Variants in METTL15 observed in about 807,000 individuals in gnomAD.
METTL15 encodes the protein methyltransferase 15, mitochondrial 12S rRNA N4-cytidine.
A neutral mutation model predicts 38.3 loss-of-function variants in METTL15; 34 were observed. The ratio of observed to expected loss-of-function variants is 0.89; its 90% CI spans 0.68 to 1.18. The LOEUF is 1.18. Among genes scored for constraint, METTL15 ranks in the 50% most tolerant of loss-of-function variants. The pLI is 0.00. For synonymous variants in METTL15, 162 were observed against 170.9 expected (o/e 0.95, Z 0.41); for missense variants, 438 against 498.4 (o/e 0.88, Z 1.15).
At chr11:28,461,286 C>T (rs1851211837) in intron 6 of METTL15, among the ~76,000 whole-genome samples, 1 of 152,058 alleles carries the variant, frequency 6.6e-6, no homozygotes, top group Non-Finnish European at 1.5e-5. Flanking sequence ...TTGTATCAGT[C>T]TTCTTAGGAA....
intron 4 of METTL15, among the ~76,000 whole-genome samples, chr11:28,232,711 T>C (rs991580200): frequency 6.6e-6 from 1 of 151,982 alleles, no homozygotes; most frequent in Non-Finnish European, 1.5e-5. Context: ...TGATACTGGT[T>C]AATTGCTAGA....
At chr11:28,512,433 G>A (rs1851683159) in intron 6 of METTL15, among the ~76,000 whole-genome samples, 1 of 152,202 alleles carries the variant, frequency 6.6e-6, no homozygotes, top group Non-Finnish European at 1.5e-5. Context: ...CAAGGAGATG[G>A]GGAGGCTCAG....
At position 28,134,357 on chromosome 11, in the gene METTL15, A is replaced by G. The variant is rs752303953; in HGVS notation, c.270+20753A>G. Among the ~76,000 whole-genome samples the G allele has an allele frequency of 7.9e-5, 12 of 152,198 alleles. 1 individual carries two copies. Among genetic ancestry groups the G allele is most frequent in the Admixed American group, 3.3e-4 (5 of 15,274 alleles). ...GGGTTCCCTATTTGTATAAAGCGCA[A>G]ATTCCTGGTAGCTCCACCCCATTCC... On this transcript the variant is annotated intron_variant, in intron 3 of 6. Coordinates refer to ENST00000407364, the MANE Select transcript of METTL15 (RefSeq NM_001113528.2).
intron 6 of METTL15, among the ~76,000 whole-genome samples, chr11:28,321,037 C>T (rs926886238): frequency 6.6e-6 from 1 of 152,090 alleles, no homozygotes; most frequent in African/African-American, 2.4e-5. Context: ...TTCAATAGCC[C>T]TTTATCTTAC....
At chr11:28,268,728 A>G (rs1182355598) in intron 4 of METTL15, among the ~76,000 whole-genome samples, 3 of 152,218 alleles carry the variant, frequency 2.0e-5, no homozygotes, top group Non-Finnish European at 4.4e-5. Flanking sequence ...ATGAAATAAC[A>G]TAAACCATTT....
At position 28,430,890 on chromosome 11, in the gene METTL15, C is replaced by T. The variant is rs1253537424; in HGVS notation, c.*424+6526C>T. Among the ~76,000 whole-genome samples the T allele has an allele frequency of 2.1e-3, 216 of 104,224 alleles. 3 individuals are homozygous for T. Among genetic ancestry groups the T allele is most frequent in the African/African-American group, 6.8e-3 (184 of 27,146 alleles). The allele number at this position is 104,224 out of a possible 152,430, so 68.4% of individuals were successfully genotyped here. On this transcript the variant is annotated intron_variant and NMD_transcript_variant, in intron 6 of 7. Coordinates refer to the METTL15 transcript ENST00000532947. The stretch of plus-strand genomic sequence containing the variant: ...CCCCCGCCCGGCCAGCCGCCCCGTC[C>T]GGGAGGGAGGTGGGGGGGTCAGCCC...
intron 3 of METTL15, among the ~76,000 whole-genome samples, chr11:28,119,991 GC>G (rs1287740902): frequency 2.6e-5 from 4 of 152,004 alleles, no homozygotes; most frequent in African/African-American, 7.2e-5. Context: ...TCACTCTGTC[GC>G]CCAGGCTGGA....
At chr11:28,404,694 T>G (rs61890889) in intron 5 of METTL15, among the ~76,000 whole-genome samples, 5,400 of 152,188 alleles carry the variant, frequency 0.035, 159 homozygotes, top group Non-Finnish European at 0.051. Context: ...AGGTTAAACA[T>G]CTATATTGTG....
intron 3 of METTL15, among the ~76,000 whole-genome samples, chr11:28,150,208 A>G (rs1017648221): frequency 2.6e-5 from 4 of 151,976 alleles, no homozygotes; most frequent in Non-Finnish European, 1.5e-5. Context: ...GATTTCCAAG[A>G]TAACTTTCAA....
At chr11:28,218,927 T>C (rs986904994) in intron 4 of METTL15, among the ~76,000 whole-genome samples, 3 of 152,192 alleles carry the variant, frequency 2.0e-5, no homozygotes, top group African/African-American at 7.2e-5. Context: ...TCATGGTGGA[T>C]AAGCTCTTTG....
At chr11:28,200,762 A>G (rs1190002610) in intron 3 of METTL15, among the ~76,000 whole-genome samples, 3 of 152,108 alleles carry the variant, frequency 2.0e-5, no homozygotes, top group Non-Finnish European at 4.4e-5. Flanking sequence ...TTGATTTTGT[A>G]TCCTGATACT....
At position 28,272,143 on chromosome 11, in the gene METTL15, T is replaced by C. The variant is rs1200235392; in HGVS notation, c.408-18063T>C. Among the ~76,000 whole-genome samples, 3 of 152,296 alleles carry C rather than the reference T, an allele frequency of 2.0e-5. No homozygotes were observed. In the East Asian group the frequency reaches 5.8e-4, roughly 29 times the overall value. On this transcript the variant is annotated intron_variant, in intron 4 of 6. Transcript: ENST00000407364. ...TGGGAATGTAAATTAGTTGAACCAT[T>C]GTGGAAGACAATGTGGCGATTCCTC...
intron 3 of METTL15, among the ~76,000 whole-genome samples, chr11:28,209,075 A>G (rs1852505682): frequency 6.6e-6 from 1 of 151,960 alleles, no homozygotes; most frequent in African/African-American, 2.4e-5. Context: ...CAGTACATCT[A>G]CAAGGGCATA....
chr11:28,467,350 A>G (rs898795924), intron 6 of METTL15, among the ~76,000 whole-genome samples: 3 of 152,226 alleles, frequency 2.0e-5, no homozygotes, highest in African/African-American at 7.2e-5. Flanking sequence ...ATCAAGCTGC[A>G]TAACACCTCC....
At chr11:28,183,393 T>C (rs529067750) in intron 3 of METTL15, among the ~76,000 whole-genome samples, 2 of 152,162 alleles carry the variant, frequency 1.3e-5, no homozygotes, top group African/African-American at 4.8e-5. Context: ...TGGCTGTGGG[T>C]TTGTTGTAAA....
At chr11:28,247,660 TA>T (rs1854568644) in intron 4 of METTL15, among the ~76,000 whole-genome samples, 1 of 152,168 alleles carries the variant, frequency 6.6e-6, no homozygotes, top group Non-Finnish European at 1.5e-5. Context: ...GGAATGAAAG[TA>T]CCATTTACAA....
intron 3 of METTL15, among the ~76,000 whole-genome samples, chr11:28,196,111 A>T (rs1484683440): frequency 5.3e-5 from 8 of 151,934 alleles, no homozygotes; most frequent in African/African-American, 1.9e-4. Context: ...TAGCCTTATA[A>T]TATAATTGAA....
intron 5 of METTL15, among the ~76,000 whole-genome samples, chr11:28,411,708 A>C (rs1850725635): frequency 6.6e-6 from 1 of 151,988 alleles, no homozygotes; most frequent in Admixed American, 6.6e-5. Context: ...TCACACTAAA[A>C]GCTCAGGTAC....
intron 6 of METTL15, among the ~76,000 whole-genome samples, chr11:28,317,274 C>T (rs1280788457): frequency 6.6e-6 from 1 of 151,966 alleles, no homozygotes; most frequent in African/African-American, 2.4e-5. Context: ...CCAATTTTCT[C>T]CAGAACCATT....
Sources: gnomAD v4.1 joint callset for allele counts (sites outside exome capture counted in the v4.1 genomes callset) on GRCh38, gnomAD v4.1.1 for gene constraint, MANE v1.5 for transcripts, NCBI Gene and HGNC (gene_info 2026-07-23, HGNC 2026-07-21) for gene names.